NR3C2: variants seen among roughly 807,000 people sequenced by gnomAD.
NR3C2 encodes nuclear receptor subfamily 3 group C member 2, also known as mineralocorticoid receptor.
Under a neutral mutation model 86.4 loss-of-function variants are expected in NR3C2, and 15 were observed. The observed-to-expected ratio is 0.17, with a 90% CI of 0.12 to 0.27. The LOEUF (loss-of-function observed/expected upper bound fraction) is 0.27, where lower values mean the gene tolerates loss of function less well. Ranked by LOEUF, NR3C2 falls within the 10% of genes least tolerant of loss-of-function variation. The pLI is 1.00. For missense variants in NR3C2, 960 were observed against 1,195.6 expected, an observed-to-expected ratio of 0.80 and a Z score of 2.91; for synonymous variants, 458 against 450.5, an observed-to-expected ratio of 1.02 and a Z score of -0.21.
intron 6 of NR3C2, among the ~76,000 whole-genome samples, chr4:148,122,302 A>T (rs1732543833): frequency 6.6e-6 from 1 of 152,154 alleles, no homozygotes; most frequent in Non-Finnish European, 1.5e-5. Flanking sequence ...TGCCTTAAAA[A>T]TATCTGATCT....
intron 8 of NR3C2, among the ~76,000 whole-genome samples, chr4:148,096,833 C>A (rs914524062): frequency 6.6e-6 from 1 of 152,176 alleles, no homozygotes; most frequent in Admixed American, 6.5e-5. Flanking sequence ...GTAGCTGTAA[C>A]CAAGATTGTG....
In NR3C2 at chr4:148,353,809, A is replaced by G. The variant is rs72951978; in HGVS notation, c.1757+81295T>C. On this transcript the variant is annotated intron_variant, in intron 2 of 8. Transcript: ENST00000358102. ...TCTTACTGACTTACATGTTTTATCA[A>G]GATTTTATTGTTTTGCAGGACAGAG... 6.0e-3 allele frequency among the ~76,000 whole-genome samples: 912 copies of G among 152,224 alleles called. 8 individuals carry two copies. The highest frequency in any genetic ancestry group is 0.021 in the African/African-American group (884 of 41,536).
At chr4:148,177,078 T>C (rs1225948115) in intron 4 of NR3C2, among the ~76,000 whole-genome samples, 1 of 152,216 alleles carries the variant, frequency 6.6e-6, no homozygotes, top group Non-Finnish European at 1.5e-5. Context: ...CTCTACTAAC[T>C]CGGCTTTTAA....
intron 2 of NR3C2, among the ~76,000 whole-genome samples, chr4:148,417,274 T>G (rs1749058174): frequency 1.3e-5 from 2 of 152,210 alleles, no homozygotes; most frequent in Admixed American, 1.3e-4. Flanking sequence ...ATCAAAATGT[T>G]CAGTGTATGT....
intron 2 of NR3C2, among the ~76,000 whole-genome samples, chr4:148,263,744 C>G (rs1038204223): frequency 2.0e-5 from 3 of 152,142 alleles, no homozygotes; most frequent in African/African-American, 7.2e-5. Flanking sequence ...ATTTACAGGA[C>G]CTAGCATTTC....
chr4:148,419,294 GAA>G (rs889200001), intron 2 of NR3C2, among the ~76,000 whole-genome samples: 1 of 152,178 alleles, frequency 6.6e-6, no homozygotes, highest in African/African-American at 2.4e-5. Flanking sequence ...ACAACCAAGA[GAA>G]AGAGTTCTTA....
At chr4:148,249,121 C>G (rs1249145310) in intron 3 of NR3C2, among the ~76,000 whole-genome samples, 1 of 152,124 alleles carries the variant, frequency 6.6e-6, no homozygotes, top group Non-Finnish European at 1.5e-5. Context: ...GGAAAACTCT[C>G]AAAGCAAGGG....
At chr4:148,397,120 A>G (rs1560708411) in intron 2 of NR3C2, among the ~76,000 whole-genome samples, 2 of 152,242 alleles carry the variant, frequency 1.3e-5, no homozygotes, top group Admixed American at 6.5e-5. Context: ...CTTTCACTCA[A>G]CATCCTTTCT....
intron 2 of NR3C2, among the ~76,000 whole-genome samples, chr4:148,380,395 G>T (rs1746911611): frequency 6.6e-6 from 1 of 152,066 alleles, no homozygotes; most frequent in African/African-American, 2.4e-5. Flanking sequence ...TCCATCTTTG[G>T]GCTATTATGA....
chr4:148,255,836 A>C (rs569610713), intron 3 of NR3C2, among the ~76,000 whole-genome samples: 1 of 152,372 alleles, frequency 6.6e-6, no homozygotes, highest in African/African-American at 2.4e-5. Flanking sequence ...ATTCAGACAA[A>C]AATGAGAAAT....
At chr4:148,443,076 A>G (rs1192357114), upstream of NR3C2, 3 of 636,012 alleles carry the variant, frequency 4.7e-6, no homozygotes, top group African/African-American at 6.0e-5. Flanking sequence ...CACTGTCTCC[A>G]GAGTTACCTC....
At chr4:148,284,720 T>C (rs560166281) in intron 2 of NR3C2, among the ~76,000 whole-genome samples, 10 of 152,312 alleles carry the variant, frequency 6.6e-5, no homozygotes, top group Middle Eastern at 3.4e-3. Flanking sequence ...TAGTGCTTTC[T>C]GCCATCAGAT....
intron 2 of NR3C2, among the ~76,000 whole-genome samples, chr4:148,261,449 T>C (rs1344353802): frequency 6.6e-6 from 1 of 151,456 alleles, no homozygotes; most frequent in African/African-American, 2.4e-5. Flanking sequence ...CTACGGTCAG[T>C]GCTATGGTGC....
At chr4:148,102,221 C>T (rs1054393007) in intron 8 of NR3C2, among the ~76,000 whole-genome samples, 1 of 152,110 alleles carries the variant, frequency 6.6e-6, no homozygotes, top group Non-Finnish European at 1.5e-5. Context: ...TCCTCTGGAC[C>T]CTCTTCCGTT....
intron 6 of NR3C2, among the ~76,000 whole-genome samples, chr4:148,133,393 G>T (rs1434271825): frequency 1.3e-5 from 2 of 152,040 alleles, no homozygotes; most frequent in Non-Finnish European, 2.9e-5. Context: ...GGGTATAAAC[G>T]TAAAGACACT....
chr4:148,187,293 T>C (rs1735974056), intron 4 of NR3C2, among the ~76,000 whole-genome samples: 1 of 152,002 alleles, frequency 6.6e-6, no homozygotes, highest in Non-Finnish European at 1.5e-5. Context: ...ATCTCCACAC[T>C]GTTTTCCATG....
At position 148,321,659 on chromosome 4, in the gene NR3C2, T is replaced by A. The variant is rs925504901; in HGVS notation, c.1758-61542A>T. 3.3e-5 allele frequency among the ~76,000 whole-genome samples: 5 copies of A among 152,246 alleles called. No homozygotes were observed. In the South Asian group the frequency reaches 1.0e-3, roughly 32 times the overall value. ...GGCCTTCTTTGTCTCTTTTGATCTT[T>A]GTTGGTTTAAAGTCTGTTTTATCAG... On this transcript the variant is annotated intron_variant, in intron 2 of 8. Coordinates refer to ENST00000358102, the MANE Select transcript of NR3C2 (RefSeq NM_000901.5).
chr4:148,132,990 G>C (rs981133001), intron 6 of NR3C2, among the ~76,000 whole-genome samples: 2 of 152,230 alleles, frequency 1.3e-5, no homozygotes, highest in Admixed American at 1.3e-4. Flanking sequence ...CTTGAGTCCA[G>C]GGGTTCAAGA....
At chr4:148,353,341 G>A (rs1745391376) in intron 2 of NR3C2, among the ~76,000 whole-genome samples, 1 of 151,952 alleles carries the variant, frequency 6.6e-6, no homozygotes, top group Non-Finnish European at 1.5e-5. Flanking sequence ...GGAAATCCAA[G>A]AGTCTATGGT....
Sources: gnomAD v4.1 joint callset for allele counts (sites outside exome capture counted in the v4.1 genomes callset) on GRCh38, gnomAD v4.1.1 for gene constraint, MANE v1.5 for transcripts, NCBI Gene and HGNC (gene_info 2026-07-23, HGNC 2026-07-21) for gene names.